The following EYS variants were observed in gnomAD, a reference collection of about 807,000 sequenced individuals.
The protein encoded by EYS is EGF-like photoreceptor maintenance factor, also known as protein eyes shut homolog.
In EYS, 250 loss-of-function variants were observed where a neutral mutation model predicts 282.1. The ratio of observed to expected loss-of-function variants is 0.89; its 90% CI spans 0.80 to 0.98. The LOEUF (loss-of-function observed/expected upper bound fraction) is 0.98. Among genes scored for constraint, EYS ranks in the 50% least tolerant of loss-of-function variants. EYS has a pLI of 0.00. For synonymous variants in EYS, 1,355 were observed against 1,282.9 expected (o/e 1.06, Z -1.20); for missense variants, 4,016 against 3,709.0 (o/e 1.08, Z -2.15).
intron 5 of EYS, among the ~76,000 whole-genome samples, chr6:65,471,522 A>G (rs998469383): frequency 1.3e-5 from 2 of 152,212 alleles, no homozygotes; most frequent in African/African-American, 4.8e-5. Context: ...CAGATCTTGG[A>G]CAACTTGCTT....
intron 39 of EYS, among the ~76,000 whole-genome samples, chr6:63,780,294 C>T (rs1373652464): frequency 1.3e-5 from 2 of 152,148 alleles, no homozygotes; most frequent in African/African-American, 4.8e-5. Context: ...AATGGTATTT[C>T]TAGTTCTAGA....
chr6:64,557,424 C>T (rs1295228690), intron 26 of EYS, among the ~76,000 whole-genome samples: 4 of 151,868 alleles, frequency 2.6e-5, no homozygotes, highest in Non-Finnish European at 1.5e-5. Flanking sequence ...TTCTCCAAAA[C>T]ATGTTATTTT....
At chr6:65,210,886 C>T (rs1405023914) in intron 12 of EYS, among the ~76,000 whole-genome samples, 5 of 151,572 alleles carry the variant, frequency 3.3e-5, no homozygotes, top group Non-Finnish European at 1.5e-5. Flanking sequence ...CAAGTCCCTG[C>T]ATGCAGCCTT....
At chr6:65,677,427 A>T (rs1768659432) in intron 1 of EYS, among the ~76,000 whole-genome samples, 1 of 151,996 alleles carries the variant, frequency 6.6e-6, no homozygotes, top group African/African-American at 2.4e-5. Flanking sequence ...GTTAACAAAG[A>T]ACAATTTTGA....
intron 22 of EYS, among the ~76,000 whole-genome samples, chr6:64,669,627 A>G (rs1769370351): frequency 6.6e-6 from 1 of 152,232 alleles, no homozygotes; most frequent in Non-Finnish European, 1.5e-5. Flanking sequence ...CTGTGCTTTA[A>G]TAAGTGCAAA....
intron 26 of EYS, among the ~76,000 whole-genome samples, chr6:64,557,358 T>G (rs1223775148): frequency 6.6e-6 from 1 of 151,940 alleles, no homozygotes; most frequent in Non-Finnish European, 1.5e-5. Flanking sequence ...ATTTTTAAAC[T>G]CCATTCAAGA....
At chr6:64,714,519 T>TC (rs1343066750) in intron 22 of EYS, among the ~76,000 whole-genome samples, 3 of 1,822 alleles carry the variant, frequency 1.6e-3, no homozygotes, top group Non-Finnish European at 0.056. Context: ...TTTCTTTCTT[T>TC]TTTTTTTTTT....
intron 26 of EYS, among the ~76,000 whole-genome samples, chr6:64,571,608 C>A (rs575999574): frequency 6.6e-6 from 1 of 152,090 alleles, no homozygotes; most frequent in Non-Finnish European, 1.5e-5. Flanking sequence ...CACCACTGAT[C>A]CCACAGAAAT....
chr6:65,511,908 GAGGC>G (rs200537057), intron 2 of EYS, among the ~76,000 whole-genome samples: 4,326 of 150,494 alleles, frequency 0.029, 218 homozygotes, highest in African/African-American at 0.1. Flanking sequence ...TTGAACCTGG[GAGGC>G]AGGCGGAGAT....
At chr6:63,829,700 C>G (rs888370088) in intron 36 of EYS, among the ~76,000 whole-genome samples, 3 of 152,198 alleles carry the variant, frequency 2.0e-5, no homozygotes, top group Non-Finnish European at 4.4e-5. Context: ...TGTCTGACAG[C>G]TTTGAAGAGA....
At chr6:65,295,695 T>G in intron 12 of EYS, 168 bp downstream of exon 12, 1 of 624,884 alleles carries the variant, frequency 1.6e-6, no homozygotes, top group South Asian at 2.2e-5. Context: ...AAAGAAGCAA[T>G]CCTATTATTC....
chr6:63,898,031 T>G (rs1196954416), intron 35 of EYS, among the ~76,000 whole-genome samples: 2 of 152,152 alleles, frequency 1.3e-5, no homozygotes, highest in African/African-American at 4.8e-5. Context: ...AGAAGAATCT[T>G]GAGTTTAGGA....
chr6:64,274,757 A>T (rs535902597), intron 30 of EYS, among the ~76,000 whole-genome samples: 1 of 152,246 alleles, frequency 6.6e-6, no homozygotes, highest in Admixed American at 6.5e-5. Context: ...GTCTACAAGT[A>T]CCGAACTTAG....
chr6:63,762,142 C>A (rs1218988159), intron 41 of EYS, among the ~76,000 whole-genome samples: 1 of 152,000 alleles, frequency 6.6e-6, no homozygotes, highest in Non-Finnish European at 1.5e-5. Flanking sequence ...GAGATGAAGT[C>A]TTGATCTGGA....
chr6:65,309,343 A>G (rs2150297323), intron 11 of EYS, among the ~76,000 whole-genome samples: 1 of 152,306 alleles, frequency 6.6e-6, no homozygotes, highest in East Asian at 1.9e-4. Context: ...CCATAGCAGA[A>G]TTCAAAACCA....
At chr6:65,553,741 A>G (rs1299363841) in intron 2 of EYS, among the ~76,000 whole-genome samples, 2 of 151,894 alleles carry the variant, frequency 1.3e-5, no homozygotes, top group Non-Finnish European at 2.9e-5. Flanking sequence ...ATTTTTGCCA[A>G]CGTATTAGAA....
At chr6:64,593,372 A>G (rs1766472604) in intron 24 of EYS, 63 bp from the exon 25 acceptor site, 2 of 1,367,178 alleles carry the variant, frequency 1.5e-6, no homozygotes, top group African/African-American at 1.5e-5. Context: ...GAGAAATTGT[A>G]AAGTTTGTTT....
intron 31 of EYS, among the ~76,000 whole-genome samples, chr6:64,193,102 G>A (rs886763597): frequency 1.3e-5 from 2 of 152,000 alleles, no homozygotes; most frequent in Admixed American, 6.6e-5. Context: ...TTGGTTTTTT[G>A]TAGAAATTTC....
chr6:65,488,007 G>C (rs1765877039), intron 5 of EYS, among the ~76,000 whole-genome samples: 1 of 152,080 alleles, frequency 6.6e-6, no homozygotes, highest in Admixed American at 6.6e-5. Context: ...ATTTCTGTGA[G>C]ATCGATGGTG....
Sources: gnomAD v4.1 joint callset for allele counts (sites outside exome capture counted in the v4.1 genomes callset) on GRCh38, gnomAD v4.1.1 for gene constraint, MANE v1.5 for transcripts, NCBI Gene and HGNC (gene_info 2026-07-23, HGNC 2026-07-21) for gene names.